Variants in ZNF366 observed in about 807,000 individuals in gnomAD.
The protein encoded by ZNF366 is zinc finger protein 366, also known as dendritic cell-specific transcript protein.
Under a neutral mutation model 47.2 loss-of-function variants are expected in ZNF366, and 20 were observed. That is an observed-to-expected ratio of 0.42 (90% CI 0.30 to 0.62). The LOEUF (loss-of-function observed/expected upper bound fraction) is 0.62, where lower values mean the gene tolerates loss of function less well. Among genes scored for constraint, ZNF366 ranks in the 20% least tolerant of loss-of-function variants. The pLI, the probability that ZNF366 is intolerant of heterozygous loss-of-function variation, is 0.16. For missense variants in ZNF366, 987 were observed against 976.3 expected, an observed-to-expected ratio of 1.01 and a Z score of -0.15; for synonymous variants, 421 against 395.1, an observed-to-expected ratio of 1.07 and a Z score of -0.78.
intron 3 of ZNF366, 108 bp from the exon 4 acceptor site, chr5:72,447,525 A>G: frequency 3.8e-6 from 5 of 1,320,818 alleles, no homozygotes; most frequent in Non-Finnish European, 5.2e-6. Flanking sequence ...TTGACATTTT[A>G]ATCTGCTTGC....
At chr5:72,486,320 A>T (rs1415250866) in intron 1 of ZNF366, among the ~76,000 whole-genome samples, 2 of 152,176 alleles carry the variant, frequency 1.3e-5, no homozygotes, top group Non-Finnish European at 2.9e-5. Context: ...TGTCAGTGGG[A>T]CCAACTCAGC....
intron 1 of ZNF366, among the ~76,000 whole-genome samples, chr5:72,479,288 C>T (rs535898351): frequency 1.3e-5 from 2 of 152,100 alleles, no homozygotes; most frequent in East Asian, 1.9e-4. Flanking sequence ...CCTGGCTTGG[C>T]GTTGTGGCTT....
In ZNF366 at chr5:72,460,838, TG is replaced by T. The variant is rs1455280898; in HGVS notation, c.658del (p.Gln220ArgfsTer15). Reference sequence around the variant, plus strand: ...CTTCTGCTTGGTCTCCTCGCTCTCCTGGGGCTCGGCTTTCCGGGGCAGCAGA... The same window carrying T: ...CTTCTGCTTGGTCTCCTCGCTCTCCTGGGCTCGGCTTTCCGGGGCAGCAGA... Reference protein sequence around the residue: ...EPLLPRKAEPQESEETKQKVE... With the variant: ...EPLLPRKAEPXESEETKQKVE... On this transcript the variant is annotated frameshift_variant, in exon 2 of 5. Transcript: ENST00000318442. LOFTEE classifies it high-confidence loss of function. 6.2e-7 allele frequency: 1 copy of T among 1,614,002 alleles called. No homozygotes were observed. Among genetic ancestry groups the T allele is most frequent in the Admixed American group, 1.7e-5 (1 of 60,022 alleles).
intron 1 of ZNF366, among the ~76,000 whole-genome samples, chr5:72,470,069 A>T (rs1180981509): frequency 6.6e-6 from 1 of 152,178 alleles, no homozygotes; most frequent in African/African-American, 2.4e-5. Flanking sequence ...AATAATAATG[A>T]AGTAGTCTGC....
At chr5:72,453,979 A>G (rs1487559446) in intron 3 of ZNF366, among the ~76,000 whole-genome samples, 4 of 152,204 alleles carry the variant, frequency 2.6e-5, no homozygotes, top group Non-Finnish European at 5.9e-5. Flanking sequence ...GAGAGGACTT[A>G]CCAACAGGAA....
At chr5:72,477,872 A>C (rs2112341456) in intron 1 of ZNF366, among the ~76,000 whole-genome samples, 1 of 152,092 alleles carries the variant, frequency 6.6e-6, no homozygotes, top group Middle Eastern at 3.4e-3. Context: ...AACTTTATTT[A>C]CAAAAAAAAA....
At chr5:72,473,845 C>T (rs938460213) in intron 1 of ZNF366, among the ~76,000 whole-genome samples, 1 of 152,202 alleles carries the variant, frequency 6.6e-6, no homozygotes, top group African/African-American at 2.4e-5. Flanking sequence ...TCTCTTCTGT[C>T]ATTGCACCTT....
chr5:72,449,583 C>A (rs1453681042), intron 3 of ZNF366, among the ~76,000 whole-genome samples: 2 of 152,290 alleles, frequency 1.3e-5, no homozygotes, highest in Non-Finnish European at 2.9e-5. Context: ...GATTTCCAGT[C>A]ACGGGTCATT....
intron 3 of ZNF366, among the ~76,000 whole-genome samples, chr5:72,453,927 G>A (rs1302265306): frequency 6.6e-6 from 1 of 152,206 alleles, no homozygotes; most frequent in Non-Finnish European, 1.5e-5. Context: ...GATGATAGAT[G>A]ACACTCTCTA....
At chr5:72,463,669 G>A (rs1239176782) in intron 1 of ZNF366, among the ~76,000 whole-genome samples, 1 of 152,230 alleles carries the variant, frequency 6.6e-6, no homozygotes, top group Non-Finnish European at 1.5e-5. Flanking sequence ...ACCCGGAGGG[G>A]TGTGGGTGGG....
chr5:72,440,059 T>C lies in ZNF366; in HGVS notation c.*3697A>G, dbSNP rs1344976250. 3 of 152,242 alleles carry C rather than the reference T, an allele frequency of 2.0e-5. 1 individual carries two copies. The highest frequency in any genetic ancestry group is 2.1e-4 in the South Asian group (1 of 4,834). The allele number at this position is 152,242 out of a possible 1,614,324, so 9.4% of individuals were successfully genotyped here. A position where few individuals can be genotyped will look rare whatever the true frequency, so the allele number is the denominator to read the frequency against. On this transcript the variant is annotated 3_prime_UTR_variant, in exon 5 of 5. Coordinates refer to ENST00000318442, the MANE Select transcript of ZNF366 (RefSeq NM_152625.3). ...TTTTAAATAGCAAGCCAGAGTTCTG[T>C]ACAAAATCAACATTTGGTGTAATGT...
rs1461204467 is a variant in ZNF366, at chr5:72,443,833, A to G, written c.2158T>C (p.Phe720Leu). 1.9e-6 allele frequency: 3 copies of G among 1,614,146 alleles called. No individual in the cohort carries two copies. Among genetic ancestry groups the G allele is most frequent in the Non-Finnish European group, 1.7e-6 (2 of 1,180,024 alleles). Reference sequence around the variant, plus strand: ...TTCAAACTCTCATCTCTGTGCTTGAAGTATAAGTAATCAGAAAAAGAGGGG... The same window carrying G: ...TTCAAACTCTCATCTCTGTGCTTGAGGTATAAGTAATCAGAAAAAGAGGGG... ...RGPSFSDYLYFKHRDESLKEL... is the reference protein window; with the variant it reads ...RGPSFSDYLYLKHRDESLKEL... Residue 720 changes from phenylalanine to leucine, a missense_variant, in exon 5 of 5, where the codon TTC becomes CTC. Transcript: ENST00000318442.
intron 1 of ZNF366, among the ~76,000 whole-genome samples, chr5:72,502,024 G>A (rs4703937): frequency 0.18 from 27,871 of 152,014 alleles, 2,748 homozygotes; most frequent in East Asian, 0.38. Context: ...CTAGACTCCA[G>A]AAAAGTTTGA....
intron 1 of ZNF366, among the ~76,000 whole-genome samples, chr5:72,473,185 C>G (rs1473141397): frequency 6.6e-6 from 1 of 152,108 alleles, no homozygotes; most frequent in Non-Finnish European, 1.5e-5. Context: ...GATAAAACTG[C>G]CTGGAATGTG....
In ZNF366 at chr5:72,479,580, A is replaced by G. The variant is rs189607682; in HGVS notation, c.-14-18070T>C. Among the ~76,000 whole-genome samples the G allele has an allele frequency of 5.3e-3, 813 of 152,332 alleles. 8 individuals are homozygous for G. Among genetic ancestry groups the G allele is most frequent in the African/African-American group, 0.018 (735 of 41,574 alleles). ...CTATAAATCAATCACAAAAGTGACA[A>G]CTTAAAGTAGAAAATTGGTCAACAG... On this transcript the variant is annotated intron_variant, in intron 1 of 4. Coordinates refer to ENST00000318442, the MANE Select transcript of ZNF366 (RefSeq NM_152625.3).
rs555194618 is a variant in ZNF366 at position 72,440,849 on chromosome 5, T to G, written c.*2907A>C. On this transcript the variant is annotated 3_prime_UTR_variant, in exon 5 of 5. Coordinates refer to ENST00000318442, the MANE Select transcript of ZNF366 (RefSeq NM_152625.3). ...GGTTAATGCTGTATTAACCATCAGG[T>G]TAGATCTAATTAAGTGTCTTATGCC... is the stretch of plus-strand genomic sequence containing the variant. 2.0e-5 allele frequency: 3 copies of G among 152,280 alleles called. No individual in the cohort carries two copies. The East Asian group carries it at 5.8e-4, about 29-fold the overall frequency. 9.4% of individuals were successfully genotyped at this position (152,280 alleles called of 1,614,324 possible). A position where few individuals can be genotyped will look rare whatever the true frequency, so the allele number is the denominator to read the frequency against.
chr5:72,457,138 G>C (rs1743208612), intron 2 of ZNF366, among the ~76,000 whole-genome samples: 1 of 152,050 alleles, frequency 6.6e-6, no homozygotes, highest in South Asian at 2.1e-4. Flanking sequence ...TGGTCCCCTG[G>C]GTTCCCACAG....
At chr5:72,450,988 A>C (rs539973758) in intron 3 of ZNF366, among the ~76,000 whole-genome samples, 2 of 152,244 alleles carry the variant, frequency 1.3e-5, no homozygotes, top group Non-Finnish European at 2.9e-5. Context: ...AGGGAGGAGG[A>C]ATGGATAGGA....
At chr5:72,473,320 C>G (rs1233694260) in intron 1 of ZNF366, among the ~76,000 whole-genome samples, 1 of 152,104 alleles carries the variant, frequency 6.6e-6, no homozygotes, top group Non-Finnish European at 1.5e-5. Context: ...TGGTGCTGGT[C>G]TTCTTGTTAT....
Sources: gnomAD v4.1 joint callset for allele counts (sites outside exome capture counted in the v4.1 genomes callset) on GRCh38, gnomAD v4.1.1 for gene constraint, MANE v1.5 for transcripts, NCBI Gene and HGNC (gene_info 2026-07-23, HGNC 2026-07-21) for gene names.